RANBP2: variants seen among roughly 807,000 people sequenced by gnomAD.
The protein encoded by RANBP2 is RAN binding protein 2.
A neutral mutation model predicts 303.6 loss-of-function variants in RANBP2; 57 were observed. The observed-to-expected ratio is 0.19, with a 90% CI of 0.15 to 0.23. RANBP2 has a LOEUF of 0.23. Among genes scored for constraint, RANBP2 ranks in the 10% least tolerant of loss-of-function variants. The probability of loss-of-function intolerance (pLI) is 1.00; values close to 1 mark genes in which losing one functional copy is unlikely to be tolerated. For synonymous variants in RANBP2, 1,167 were observed against 1,301.5 expected (o/e 0.90, Z 2.23); for missense variants, 3,138 against 3,780.8 (o/e 0.83, Z 4.46).
At chr2:109,587,127 A>G in the RANBP2 span, among the ~76,000 whole-genome samples, 1 of 152,254 alleles carries the variant, frequency 6.6e-6, no homozygotes, top group Non-Finnish European at 1.5e-5. Flanking sequence ...AAGAATCTAC[A>G]GGAAAAAGAT....
chr2:108,836,635 C>T, the RANBP2 span, among the ~76,000 whole-genome samples: 1 of 152,138 alleles, frequency 6.6e-6, no homozygotes, highest in African/African-American at 2.4e-5. Context: ...GACATTGAAT[C>T]TGTAGATCGC....
the RANBP2 span, chr2:109,545,994 A>C: frequency 2.0e-6 from 3 of 1,515,510 alleles, no homozygotes; most frequent in Non-Finnish European, 2.6e-6. Flanking sequence ...AAGATCCGAC[A>C]GGGCAATGTG....
At chr2:109,379,931 A>G in the RANBP2 span, among the ~76,000 whole-genome samples, 1 of 152,198 alleles carries the variant, frequency 6.6e-6, no homozygotes, top group African/African-American at 2.4e-5. Flanking sequence ...TCTTAGACCT[A>G]TCAGGGAGAA....
the RANBP2 span, among the ~76,000 whole-genome samples, chr2:109,538,442 A>G: frequency 6.6e-6 from 1 of 152,214 alleles, no homozygotes; most frequent in East Asian, 1.9e-4. Context: ...AGAGTTTGTG[A>G]AAGACGGGCT....
chr2:108,768,917 G>A (rs867203277), intron 20 of RANBP2, among the ~76,000 whole-genome samples: 1 of 151,854 alleles, frequency 6.6e-6, no homozygotes, highest in South Asian at 2.1e-4. Flanking sequence ...CCTATAATTA[G>A]CAGCTACTTA....
chr2:109,732,666 C>T, the RANBP2 span: 8 of 552,330 alleles, frequency 1.4e-5, no homozygotes, highest in East Asian at 2.3e-4. Flanking sequence ...AACCGGGTTT[C>T]ATCATGTTGG....
the RANBP2 span, among the ~76,000 whole-genome samples, chr2:109,550,382 G>A: frequency 1.3e-5 from 2 of 150,286 alleles, no homozygotes; most frequent in African/African-American, 4.9e-5. Flanking sequence ...GCATAATCTT[G>A]GCTCACTGCA....
At chr2:109,496,345 T>A in the RANBP2 span, among the ~76,000 whole-genome samples, 40 of 152,204 alleles carry the variant, frequency 2.6e-4, no homozygotes, top group Non-Finnish European at 2.5e-4. Context: ...TCTTGCTAGC[T>A]ACAGAGTGCT....
the RANBP2 span, among the ~76,000 whole-genome samples, chr2:109,265,672 T>A: frequency 1.3e-5 from 2 of 152,190 alleles, no homozygotes; most frequent in Non-Finnish European, 2.9e-5. Context: ...TTGATTTGGG[T>A]TGAATTTATA....
chr2:109,115,372 T>C, the RANBP2 span, among the ~76,000 whole-genome samples: 1 of 152,236 alleles, frequency 6.6e-6, no homozygotes, highest in African/African-American at 2.4e-5. Context: ...TTGATCCCTT[T>C]ACCATTATGT....
At chr2:109,059,072 C>A in the RANBP2 span, among the ~76,000 whole-genome samples, 1 of 152,000 alleles carries the variant, frequency 6.6e-6, no homozygotes, top group Non-Finnish European at 1.5e-5. Flanking sequence ...TGACCTGCCA[C>A]CTCCGGGCCT....
At chr2:109,625,501 A>T in the RANBP2 span, among the ~76,000 whole-genome samples, 1 of 91,592 alleles carries the variant, frequency 1.1e-5, no homozygotes, top group Non-Finnish European at 2.4e-5. Context: ...AAAAATACAA[A>T]AAAAAAAAAA....
the RANBP2 span, among the ~76,000 whole-genome samples, chr2:109,528,902 G>A: frequency 4.5e-4 from 68 of 152,316 alleles, no homozygotes; most frequent in African/African-American, 1.6e-3. Flanking sequence ...GGCACGAACT[G>A]AGGAGGACTC....
At chr2:109,023,502 G>T in the RANBP2 span, among the ~76,000 whole-genome samples, 1 of 152,140 alleles carries the variant, frequency 6.6e-6, no homozygotes, top group Non-Finnish European at 1.5e-5. Context: ...ACGTCAGTAG[G>T]TACAACTGTT....
chr2:109,017,946 G>A, the RANBP2 span, among the ~76,000 whole-genome samples: 1 of 152,216 alleles, frequency 6.6e-6, no homozygotes, highest in Non-Finnish European at 1.5e-5. Context: ...TATTTTACCT[G>A]AGATGGTGGA....
the RANBP2 span, among the ~76,000 whole-genome samples, chr2:109,219,965 C>T: frequency 6.6e-6 from 1 of 152,120 alleles, no homozygotes; most frequent in Non-Finnish European, 1.5e-5. Context: ...CCCCAAATAA[C>T]CAAAACAATC....
At chr2:108,780,565 T>C (rs1267623773) in intron 25 of RANBP2, among the ~76,000 whole-genome samples, 1 of 150,456 alleles carries the variant, frequency 6.6e-6, no homozygotes, top group Non-Finnish European at 1.5e-5. Context: ...AATCTTGCTC[T>C]GTTGCCCAGG....
chr2:108,761,884 T>C (rs1430869649), intron 18 of RANBP2, among the ~76,000 whole-genome samples: 1 of 152,220 alleles, frequency 6.6e-6, no homozygotes, highest in Admixed American at 6.5e-5. Context: ...ACAGCAATGC[T>C]ATTCTCTTAT....
chr2:109,307,229 T>G, the RANBP2 span, among the ~76,000 whole-genome samples: 1 of 152,188 alleles, frequency 6.6e-6, no homozygotes, highest in Admixed American at 6.5e-5. Context: ...ATAATTACCT[T>G]TTTGCACATT....
Sources: allele counts gnomAD v4.1 joint callset (sites outside exome capture counted in the v4.1 genomes callset), GRCh38; gene constraint gnomAD v4.1.1; transcripts MANE v1.5; gene names NCBI Gene and HGNC (gene_info 2026-07-23, HGNC 2026-07-21).